Variants in POLD2 observed in about 807,000 individuals in gnomAD.
The protein encoded by POLD2 is DNA polymerase delta 2, accessory subunit.
A neutral mutation model predicts 48.8 loss-of-function variants in POLD2; 31 were observed. The observed-to-expected ratio is 0.64, with a 90% CI of 0.48 to 0.86. The LOEUF is 0.86. Among genes scored for constraint, POLD2 ranks in the 40% least tolerant of loss-of-function variants. The pLI is 0.00. For synonymous variants in POLD2, 233 were observed against 256.3 expected (o/e 0.91, Z 0.87); for missense variants, 455 against 610.1 (o/e 0.75, Z 2.68).
At chr7:44,115,045 G>A in intron 10 of POLD2, 100 bp from the exon 11 acceptor site, 1 of 1,090,630 alleles carries the variant, frequency 9.2e-7, no homozygotes, top group Non-Finnish European at 1.3e-6. Flanking sequence ...GGCACACAGT[G>A]GGGCAGTGAC....
At position 44,116,696 on chromosome 7, in the gene POLD2, A is replaced by G; in HGVS notation, c.780+121T>C. On this transcript the variant is annotated intron_variant, in intron 6 of 10. Transcript: ENST00000610533. The surrounding 1 kb of genome is among the most constrained non-coding windows in gnomAD (Gnocchi z 6.1). ...TTGCAGGAGGCCCCAGAGTCACTGC[A>G]GGGCGCTTCCCACCGACCTGCGAGA... 1 of 1,128,080 alleles carries G rather than the reference A, an allele frequency of 8.9e-7. No individual in the cohort carries two copies. The highest frequency in any genetic ancestry group is 1.3e-6 in the Non-Finnish European group (1 of 778,554). 69.9% of individuals were successfully genotyped at this position (1,128,080 alleles called of 1,614,324 possible).
At chr7:44,123,431 A>G in intron 1 of POLD2, 80 bp downstream of exon 1, 1 of 1,480,684 alleles carries the variant, frequency 6.8e-7, no homozygotes, top group Non-Finnish European at 8.9e-7. Flanking sequence ...CCAAGACACC[A>G]GCCCACCGAC....
At position 44,116,961 on chromosome 7, in the gene POLD2, C is replaced by A. The variant is rs377542380; in HGVS notation, c.636G>T (p.Leu212=). 1.8e-5 allele frequency: 29 copies of A among 1,613,520 alleles called. No individual in the cohort carries two copies. Among genetic ancestry groups the A allele is most frequent in the Non-Finnish European group, 2.5e-5 (29 of 1,179,978 alleles). ...LGLGGGGGES[L]LGTQLLVDVV... ...CATCCACCAGCAGCTGGGTGCCCAG[C>A]AGGCTCTCGCCTCCACCGCCACCCA... is the stretch of plus-strand genomic sequence containing the variant. The change falls in exon 6 of 11, where the codon CTG becomes CTT. Residue 212 remains leucine, a synonymous_variant. Coordinates refer to ENST00000610533, the MANE Select transcript of POLD2 (RefSeq NM_006230.4). The surrounding 1 kb of genome is among the most constrained non-coding windows in gnomAD (Gnocchi z 6.1).
intron 3 of POLD2, 63 bp downstream of exon 3, chr7:44,117,880 G>A: frequency 6.2e-7 from 1 of 1,601,632 alleles, no homozygotes; most frequent in Non-Finnish European, 8.5e-7. Context: ...CCACCTCCAG[G>A]GAGGTGTTCT....
At chr7:44,123,474 A>C (rs991233382) in intron 1 of POLD2, 37 bp downstream of exon 1, 3 of 1,492,724 alleles carry the variant, frequency 2.0e-6, no homozygotes, top group Admixed American at 2.2e-5. Flanking sequence ...TGGAACTGCC[A>C]CCCCCAGCTG....
rs2096248312 is a variant in POLD2, at chr7:44,121,667, A to G, written c.220+167T>C. Among the ~76,000 whole-genome samples the G allele has an allele frequency of 6.6e-6, 1 of 152,252 alleles. No homozygotes were observed. Among genetic ancestry groups the G allele is most frequent in the African/African-American group, 2.4e-5 (1 of 41,460 alleles). On this transcript the variant is annotated intron_variant, in intron 2 of 10. Transcript: ENST00000610533. This position sits in a 1 kb window ranked among gnomAD's most constrained non-coding sequence, Gnocchi z 4.5. ...TAACTCCAAACCCACAAATTACTTA[A>G]TTTAATCCTTGTTACTATCTTAAGA...
At chr7:44,122,172 G>A (rs920802702) in intron 1 of POLD2, 63 bp from the exon 2 acceptor site, 6 of 1,472,666 alleles carry the variant, frequency 4.1e-6, no homozygotes, top group Non-Finnish European at 5.4e-6. Flanking sequence ...AGCTCTCCTG[G>A]TGTCTCACTG....
At chr7:44,119,880 C>T (rs948867225) in intron 2 of POLD2, among the ~76,000 whole-genome samples, 10 of 152,188 alleles carry the variant, frequency 6.6e-5, no homozygotes, top group African/African-American at 1.7e-4. Context: ...AGGTAGAAAA[C>T]GGAGGCCCTC....
intron 1 of POLD2, chr7:44,123,274 C>G: frequency 7.4e-7 from 1 of 1,358,384 alleles, no homozygotes; most frequent in Non-Finnish European, 9.4e-7. Flanking sequence ...TAACGAGTGA[C>G]TCGTTAGGAG....
chr7:44,117,682 A>C lies in POLD2; in HGVS notation c.403T>G (p.Leu135Val), dbSNP rs1399093538. ...TTGATACGCTGCAGTTCATCTTCCAAGACCAGCTCGTCATCTGGGTGTATG... is the reference window on the plus strand; with the variant it reads ...TTGATACGCTGCAGTTCATCTTCCACGACCAGCTCGTCATCTGGGTGTATG... ...KYIHPDDELV[L>V]EDELQRIKLK... Residue 135 changes from leucine (L) to valine (V), a missense_variant, in exon 4 of 11, where the codon TTG becomes GTG. Transcript: ENST00000610533. The C allele has an allele frequency of 1.2e-6, 2 of 1,612,478 alleles. No homozygotes were observed. Among genetic ancestry groups the C allele is most frequent in the Non-Finnish European group, 1.7e-6 (2 of 1,179,416 alleles).
At chr7:44,117,833 T>G (rs958137626) in intron 3 of POLD2, 91 bp from the exon 4 acceptor site, 2 of 1,598,232 alleles carry the variant, frequency 1.3e-6, no homozygotes, top group African/African-American at 2.7e-5. Flanking sequence ...CCCACCCCTC[T>G]GGAGTCCATT....
Position 44,118,023 on chromosome 7 carries a change from C to T in POLD2, c.262G>A (p.Glu88Lys). Reference protein sequence around the residue: ...GVKKLCELQPEEKCCVVGTLF... With the variant: ...GVKKLCELQPKEKCCVVGTLF... ...GTGCCCACCACACAGCACTTCTCCT[C>T]AGGCTGCAGTTCACACAGCTTCTTC... Residue 88 changes from glutamate (E) to lysine (K), a missense_variant, in exon 3 of 11, where the codon GAG becomes AAG. Glu to Lys is a moderately conservative substitution (Grantham distance 56). This residue lies in a region of POLD2 where 349 missense variants were observed against 437.4 expected (regional missense o/e 0.80). Coordinates refer to ENST00000610533, the MANE Select transcript of POLD2 (RefSeq NM_006230.4). 1 of 1,614,224 alleles carries T rather than the reference C, an allele frequency of 6.2e-7. No individual in the cohort carries two copies. The highest frequency in any genetic ancestry group is 8.5e-7 in the Non-Finnish European group (1 of 1,180,024).
intron 4 of POLD2, 161 bp from the exon 5 acceptor site, chr7:44,117,408 G>T: frequency 1.4e-6 from 1 of 723,604 alleles, no homozygotes; most frequent in Non-Finnish European, 2.3e-6. Context: ...CACTGCCCTT[G>T]GATGGAGGTG....
intron 2 of POLD2, among the ~76,000 whole-genome samples, chr7:44,118,474 C>A (rs916233882): frequency 6.6e-6 from 1 of 152,192 alleles, no homozygotes; most frequent in Non-Finnish European, 1.5e-5. Context: ...TCCAGAACTG[C>A]CAGAGAGTAA....
At chr7:44,123,651 C>T, upstream of POLD2, 2 of 1,382,860 alleles carry the variant, frequency 1.4e-6, no homozygotes, top group Non-Finnish European at 9.3e-7. Context: ...CACCAGGCGC[C>T]TCATCCCGCC....
chr7:44,121,096 C>G lies in POLD2; in HGVS notation c.220+738G>C, dbSNP rs556406392. On this transcript the variant is annotated intron_variant, in intron 2 of 10. Transcript: ENST00000610533. The surrounding 1 kb of genome is among the most constrained non-coding windows in gnomAD (Gnocchi z 4.5). ...TAAAAATGAGTAAGACCTGGTCTCA[C>G]CTACTAAATCCTCAGTTTAAAAATA... Among the ~76,000 whole-genome samples the G allele has an allele frequency of 6.6e-6, 1 of 152,236 alleles. No homozygotes were observed. Among genetic ancestry groups the G allele is most frequent in the Admixed American group, 6.5e-5 (1 of 15,288 alleles).
At chr7:44,118,514 C>T (rs1340446507) in intron 2 of POLD2, among the ~76,000 whole-genome samples, 3 of 152,108 alleles carry the variant, frequency 2.0e-5, no homozygotes, top group Non-Finnish European at 4.4e-5. Context: ...ATTGTTGTTT[C>T]TGTTTTTGTT....
At chr7:44,117,540 C>A (rs1363188581) in intron 4 of POLD2, 79 bp downstream of exon 4, 7 of 1,520,764 alleles carry the variant, frequency 4.6e-6, no homozygotes, top group Non-Finnish European at 6.2e-6. Flanking sequence ...CCCCCAGGCT[C>A]CCCACTCACA....
chr7:44,117,117 G>T lies in POLD2; in HGVS notation c.581+16C>A, dbSNP rs41548814. On this transcript the variant is annotated intron_variant, in intron 5 of 10. Transcript: ENST00000610533. ...TGACCATGAGCTGGTTCCAGCTCCCGAGAACTGCTGCTCACCTATCTGTGT... is the reference window on the plus strand; with the variant it reads ...TGACCATGAGCTGGTTCCAGCTCCCTAGAACTGCTGCTCACCTATCTGTGT... 1.9e-6 allele frequency: 3 copies of T among 1,612,386 alleles called. No homozygotes were observed. The Admixed American group carries it at 5.0e-5, about 27-fold the overall frequency.
Sources: gnomAD v4.1 joint callset for allele counts (sites outside exome capture counted in the v4.1 genomes callset) on GRCh38, gnomAD v4.1.1 for gene constraint, gnomAD v4.1.1 regional missense constraint, Gnocchi (gnomAD v3.1) non-coding constraint, MANE v1.5 for transcripts, NCBI Gene and HGNC (gene_info 2026-07-23, HGNC 2026-07-21) for gene names.